Variants in KIF16B observed in about 807,000 individuals in gnomAD.
KIF16B encodes kinesin-like protein KIF16B.
In KIF16B, 98 loss-of-function variants were observed where a neutral mutation model predicts 156.3. That is an observed-to-expected ratio of 0.63 (90% CI 0.53 to 0.74). The LOEUF (loss-of-function observed/expected upper bound fraction) is 0.74. Ranked by LOEUF, KIF16B falls within the 30% of genes least tolerant of loss-of-function variation. KIF16B has a pLI of 0.00. For missense variants in KIF16B, 1,421 were observed against 1,606.5 expected, an observed-to-expected ratio of 0.88 and a Z score of 1.97; for synonymous variants, 564 against 583.7, an observed-to-expected ratio of 0.97 and a Z score of 0.49.
At chr20:16,561,002 TAGAG>T (rs754483085) in intron 1 of KIF16B, among the ~76,000 whole-genome samples, 1 of 151,866 alleles carries the variant, frequency 6.6e-6, no homozygotes, top group Non-Finnish European at 1.5e-5. Context: ...AAAAATATAA[TAGAG>T]AGGCCGGGCG....
chr20:16,386,228 G>A (rs1337488908), intron 17 of KIF16B, among the ~76,000 whole-genome samples: 1 of 152,108 alleles, frequency 6.6e-6, no homozygotes, highest in African/African-American at 2.4e-5. Context: ...CACAGTGACG[G>A]GCAGAGATAA....
chr20:16,434,536 G>A (rs1382021989), intron 12 of KIF16B, among the ~76,000 whole-genome samples: 1 of 152,172 alleles, frequency 6.6e-6, no homozygotes, highest in African/African-American at 2.4e-5. Flanking sequence ...GTCTACCTGG[G>A]ATCTAGATTG....
At chr20:16,294,219 A>G (rs2063351553) in intron 25 of KIF16B, among the ~76,000 whole-genome samples, 1 of 152,178 alleles carries the variant, frequency 6.6e-6, no homozygotes. Flanking sequence ...GTAAACACAT[A>G]CACACACAAA....
At chr20:16,383,020 G>GTCTT (rs1341475381) in intron 17 of KIF16B, among the ~76,000 whole-genome samples, 1 of 152,114 alleles carries the variant, frequency 6.6e-6, no homozygotes, top group African/African-American at 2.4e-5. Flanking sequence ...TTGAGTCAGG[G>GTCTT]TCTTGCTTTG....
At chr20:16,405,108 A>T (rs976909017) in intron 16 of KIF16B, among the ~76,000 whole-genome samples, 4 of 152,198 alleles carry the variant, frequency 2.6e-5, no homozygotes. Flanking sequence ...TCCTAAGTAC[A>T]GCAGGACCTT....
chr20:16,379,108 T>C lies in KIF16B; in HGVS notation c.2894A>G (p.Gln965Arg), dbSNP rs1190533649. Reference sequence around the variant, plus strand: ...AAAGGTGGCTTGGAGCTTTTGCAGCTGGTTTGCATTGGCCTGGTACTGTGC... The same window carrying C: ...AAAGGTGGCTTGGAGCTTTTGCAGCCGGTTTGCATTGGCCTGGTACTGTGC... ...QLAQYQANAN[Q>R]LQKLQATFEF... is the part of the protein sequence containing the mutation. Residue 965 changes from glutamine (Q) to arginine (R), a missense_variant, in exon 19 of 26, where the codon CAG (glutamine) becomes CGG (arginine). Gln to Arg is a conservative substitution (Grantham distance 43). Transcript: ENST00000354981. The C allele has an allele frequency of 6.2e-7, 1 of 1,612,930 alleles. No individual in the cohort carries two copies. Among genetic ancestry groups the C allele is most frequent in the South Asian group, 1.1e-5 (1 of 90,904 alleles).
At chr20:16,309,593 C>T (rs972357694) in intron 25 of KIF16B, among the ~76,000 whole-genome samples, 2 of 152,094 alleles carry the variant, frequency 1.3e-5, no homozygotes, top group Non-Finnish European at 2.9e-5. Flanking sequence ...ACACTTTTTG[C>T]TAATAAACTC....
At chr20:16,366,887 C>T (rs2064678341) in intron 22 of KIF16B, 2 of 1,187,364 alleles carry the variant, frequency 1.7e-6, no homozygotes, top group African/African-American at 1.6e-5. Context: ...ATGAAGCAGG[C>T]ACAAATTTAC....
intron 25 of KIF16B, among the ~76,000 whole-genome samples, chr20:16,280,314 T>C (rs578056700): frequency 6.6e-6 from 1 of 152,340 alleles, no homozygotes; most frequent in East Asian, 1.9e-4. Context: ...TTACACCCAT[T>C]CCCTTTTAGG....
intron 25 of KIF16B, among the ~76,000 whole-genome samples, chr20:16,295,936 TACCACCAGTC>T (rs905417329): frequency 6.6e-6 from 1 of 152,232 alleles, no homozygotes; most frequent in African/African-American, 2.4e-5. Flanking sequence ...ATGTTTTTTC[TACCACCAGTC>T]AGAGCATCTT....
intron 12 of KIF16B, among the ~76,000 whole-genome samples, chr20:16,449,052 AT>A (rs2067010537): frequency 1.3e-5 from 2 of 152,234 alleles, no homozygotes; most frequent in Admixed American, 6.5e-5. Flanking sequence ...TCAAGAATAA[AT>A]AGATGAAAAT....
chr20:16,377,523 G>A (rs1568907592), intron 19 of KIF16B, among the ~76,000 whole-genome samples: 1 of 152,160 alleles, frequency 6.6e-6, no homozygotes, highest in Non-Finnish European at 1.5e-5. Flanking sequence ...GTTTGAGGCT[G>A]CAGTGAGCTA....
intron 1 of KIF16B, among the ~76,000 whole-genome samples, chr20:16,542,396 C>G (rs748344440): frequency 5.9e-5 from 9 of 152,106 alleles, no homozygotes; most frequent in Non-Finnish European, 1.3e-4. Context: ...GTAAACAATA[C>G]AGTCCCAGCC....
intron 17 of KIF16B, chr20:16,382,208 G>T: frequency 2.2e-6 from 2 of 919,154 alleles, no homozygotes; most frequent in Non-Finnish European, 3.0e-6. Flanking sequence ...TAATAGGAAG[G>T]AATATCAGGA....
At chr20:16,341,701 C>G (rs1026905998) in intron 23 of KIF16B, among the ~76,000 whole-genome samples, 1 of 152,234 alleles carries the variant, frequency 6.6e-6, no homozygotes, top group South Asian at 2.1e-4. Context: ...TCACCCACAG[C>G]TCCTTCATCA....
intron 17 of KIF16B, 93 bp from the exon 18 acceptor site, chr20:16,381,840 C>A: frequency 1.9e-6 from 2 of 1,056,034 alleles, no homozygotes; most frequent in South Asian, 1.6e-5. Flanking sequence ...TTAAAAAGGG[C>A]ATCAGTTTTT....
At position 16,312,394 on chromosome 20, in the gene KIF16B, T is replaced by C; in HGVS notation, c.3736A>G (p.Lys1246Glu). Reference protein sequence around the residue: ...AELAALEFPPKKLFGNKDERV... With the variant: ...AELAALEFPPEKLFGNKDERV... Reference sequence around the variant, plus strand: ...TCATCCTTATTTCCAAATAGTTTCTTTGGAGGAAATTCAAGGGCAGCAAGC... The same window carrying C: ...TCATCCTTATTTCCAAATAGTTTCTCTGGAGGAAATTCAAGGGCAGCAAGC... Residue 1246 changes from lysine (K) to glutamate (E), a missense_variant, in exon 25 of 26, where the codon AAG (lysine) becomes GAG (glutamate). Coordinates refer to ENST00000354981, the MANE Select transcript of KIF16B (RefSeq NM_024704.5). The C allele has an allele frequency of 6.2e-7, 1 of 1,613,462 alleles. No homozygotes were observed. Among genetic ancestry groups the C allele is most frequent in the Non-Finnish European group, 8.5e-7 (1 of 1,179,648 alleles).
Position 16,279,597 on chromosome 20 carries a change from T to C in KIF16B, c.3796-6186A>G, listed in dbSNP as rs117932866. ...ATCAAGCTCCTCCAGGGCTAGTCTA[T>C]GCTAAGATGGAGGTATCTGCCTATC... On this transcript the variant is annotated intron_variant, in intron 25 of 25. Transcript: ENST00000354981. 8.3e-4 allele frequency among the ~76,000 whole-genome samples: 127 copies of C among 152,242 alleles called. No individual in the cohort carries two copies. The East Asian group carries it at 0.015, about 18-fold the overall frequency.
intron 1 of KIF16B, among the ~76,000 whole-genome samples, chr20:16,550,528 CTTTT>C (rs745923425): frequency 0.01 from 1,071 of 103,472 alleles, 15 homozygotes; most frequent in African/African-American, 0.039. Context: ...ATGAAACATT[CTTTT>C]TTTTTTTTTT....
Sources: gnomAD v4.1 joint callset for allele counts (sites outside exome capture counted in the v4.1 genomes callset) on GRCh38, gnomAD v4.1.1 for gene constraint, MANE v1.5 for transcripts, NCBI Gene and HGNC (gene_info 2026-07-23, HGNC 2026-07-21) for gene names.